The following XKR6 variants were observed in gnomAD, a reference collection of about 807,000 sequenced individuals.
XKR6 encodes XK-related protein 6.
Under a neutral mutation model 56.7 loss-of-function variants are expected in XKR6, and 22 were observed. The observed-to-expected ratio is 0.39, with a 90% CI of 0.28 to 0.55. XKR6 has a LOEUF of 0.55. Among genes scored for constraint, XKR6 ranks in the 20% least tolerant of loss-of-function variants. The probability of loss-of-function intolerance (pLI) is 0.66; values close to 1 mark genes in which losing one functional copy is unlikely to be tolerated. For synonymous variants in XKR6, 524 were observed against 387.8 expected (o/e 1.35, Z -4.13); for missense variants, 852 against 889.0 (o/e 0.96, Z 0.53).
intron 1 of XKR6, among the ~76,000 whole-genome samples, chr8:10,950,086 T>C (rs765459207): frequency 2.0e-5 from 3 of 151,976 alleles, no homozygotes; most frequent in Non-Finnish European, 4.4e-5. Context: ...ACGTGACACA[T>C]GGCAGGATGG....
chr8:10,947,496 A>G (rs1231511008), intron 1 of XKR6, among the ~76,000 whole-genome samples: 1 of 152,038 alleles, frequency 6.6e-6, no homozygotes, highest in East Asian at 1.9e-4. Context: ...GGAGCCCTGA[A>G]AACACCATTG....
rs1250608756 is a variant in XKR6 at position 10,934,883 on chromosome 8, G to A, written c.765-10053C>T. ...CTCTTTTTTCGTTGTGTCTCTGCCC[G>A]GCTTTGGTATCAGAATGACGCTGGC... On this transcript the variant is annotated intron_variant, in intron 1 of 2. Transcript: ENST00000416569. Among the ~76,000 whole-genome samples the A allele has an allele frequency of 8.8e-5, 12 of 136,312 alleles. No homozygotes were observed. The South Asian group carries it at 9.6e-4, about 11-fold the overall frequency. 89.4% of individuals were successfully genotyped at this position (136,312 alleles called of 152,430 possible). A position where few individuals can be genotyped will look rare whatever the true frequency, so the allele number is the denominator to read the frequency against.
At chr8:10,937,729 G>A (rs566156149) in intron 1 of XKR6, among the ~76,000 whole-genome samples, 7 of 148,860 alleles carry the variant, frequency 4.7e-5, no homozygotes, top group Non-Finnish European at 6.0e-5. Flanking sequence ...CAGGGGTCAG[G>A]GACCCACTTG....
intron 1 of XKR6, among the ~76,000 whole-genome samples, chr8:11,072,182 C>A (rs1444580651): frequency 1.3e-5 from 2 of 152,288 alleles, no homozygotes; most frequent in South Asian, 2.1e-4. Context: ...TCAGCTCCAC[C>A]CCCTCTCTGT....
chr8:11,189,974 T>G (rs891080295), intron 1 of XKR6, among the ~76,000 whole-genome samples: 12 of 152,068 alleles, frequency 7.9e-5, no homozygotes, highest in African/African-American at 2.9e-4. Context: ...CTGACCAACA[T>G]GGTGAAACAC....
chr8:11,019,632 G>A (rs748257232), intron 1 of XKR6, among the ~76,000 whole-genome samples: 1 of 152,198 alleles, frequency 6.6e-6, no homozygotes, highest in Admixed American at 6.5e-5. Flanking sequence ...GAGGTGGTGT[G>A]AGCAGTGTGG....
chr8:11,050,395 C>A (rs1369401826), intron 1 of XKR6, among the ~76,000 whole-genome samples: 3 of 152,008 alleles, frequency 2.0e-5, no homozygotes, highest in Non-Finnish European at 4.4e-5. Flanking sequence ...GGGGATGGGC[C>A]TGGATGATGG....
chr8:10,897,867 G>C lies in XKR6; in HGVS notation c.*85C>G. ...GTGGTGGCGGTGGTTCTGTGTATTGGGGGAAGGGAGGGTTATATTTCTTGC... is the reference window on the plus strand; with the variant it reads ...GTGGTGGCGGTGGTTCTGTGTATTGCGGGAAGGGAGGGTTATATTTCTTGC... On this transcript the variant is annotated 3_prime_UTR_variant, in exon 3 of 3. Transcript: ENST00000416569. The C allele has an allele frequency of 1.3e-6, 2 of 1,494,252 alleles. No homozygotes were observed. The highest frequency in any genetic ancestry group is 1.8e-6 in the Non-Finnish European group (2 of 1,125,480). 92.6% of individuals were successfully genotyped at this position (1,494,252 alleles called of 1,614,324 possible). A position where few individuals can be genotyped will look rare whatever the true frequency, so the allele number is the denominator to read the frequency against.
At chr8:10,993,622 G>A (rs1038673848) in intron 1 of XKR6, among the ~76,000 whole-genome samples, 4 of 152,220 alleles carry the variant, frequency 2.6e-5, no homozygotes, top group African/African-American at 9.7e-5. Flanking sequence ...AAGCAGGGGA[G>A]AGGCTGGGGG....
intron 1 of XKR6, among the ~76,000 whole-genome samples, chr8:10,991,688 A>G (rs1797996803): frequency 6.6e-6 from 1 of 152,188 alleles, no homozygotes; most frequent in African/African-American, 2.4e-5. Flanking sequence ...TCTGGATCCA[A>G]ATCAGACCAG....
chr8:11,030,736 T>TGCCA (rs539049325), intron 1 of XKR6, among the ~76,000 whole-genome samples: 100 of 152,146 alleles, frequency 6.6e-4, no homozygotes, highest in Middle Eastern at 3.4e-3. Context: ...TCCTCACCTC[T>TGCCA]GCCAGCCAGC....
intron 1 of XKR6, among the ~76,000 whole-genome samples, chr8:11,047,788 T>A (rs1214464161): frequency 6.6e-6 from 1 of 152,166 alleles, no homozygotes; most frequent in East Asian, 1.9e-4. Context: ...AATATATGTA[T>A]TTTACCATAA....
chr8:11,101,734 G>C (rs11986294), intron 1 of XKR6, among the ~76,000 whole-genome samples: 17,915 of 152,034 alleles, frequency 0.12, 3,389 homozygotes, highest in African/African-American at 0.4. Context: ...GCAGCCCTCC[G>C]TGATCTGCAT....
chr8:11,040,915 G>A (rs1287475450), intron 1 of XKR6, among the ~76,000 whole-genome samples: 1 of 152,124 alleles, frequency 6.6e-6, no homozygotes, highest in African/African-American at 2.4e-5. Flanking sequence ...CAGTTTGGGG[G>A]CCTGAAGAAG....
intron 1 of XKR6, among the ~76,000 whole-genome samples, chr8:11,050,042 C>A (rs184379653): frequency 1.2e-3 from 181 of 152,226 alleles, no homozygotes; most frequent in African/African-American, 4.2e-3. Context: ...TGCTCCCTGG[C>A]CTTGAGCAAC....
At chr8:11,179,856 G>A (rs759454028) in intron 1 of XKR6, among the ~76,000 whole-genome samples, 3 of 152,178 alleles carry the variant, frequency 2.0e-5, no homozygotes, top group Non-Finnish European at 4.4e-5. Context: ...AAAGTAGCCC[G>A]GCACACTGGC....
In XKR6 at chr8:10,924,775, G is replaced by A; in HGVS notation, c.820C>T (p.Arg274Ter). 2 of 1,614,048 alleles carry A rather than the reference G, an allele frequency of 1.2e-6. No individual in the cohort carries two copies. Among genetic ancestry groups the A allele is most frequent in the Non-Finnish European group, 1.7e-6 (2 of 1,180,000 alleles). ...IQSQRRKEHQ[R>*]RFYWAMMYEY... ...TACATCATAGCCCAGTAGAAGCGTC[G>A]CTGGTGTTCCTTCCGCCGCTGGCTC... Residue 274 changes from arginine (R) to a stop codon, truncating the protein, a stop_gained, in exon 2 of 3, where the codon CGA becomes TGA. Coordinates refer to ENST00000416569, the MANE Select transcript of XKR6 (RefSeq NM_173683.4). LOFTEE classifies it high-confidence loss of function.
intron 1 of XKR6, among the ~76,000 whole-genome samples, chr8:11,166,204 C>T (rs551948208): frequency 1.3e-5 from 2 of 152,130 alleles, no homozygotes; most frequent in Non-Finnish European, 2.9e-5. Flanking sequence ...GACCATTGAA[C>T]TATCCTTCAT....
chr8:11,046,915 G>C (rs990742708), intron 1 of XKR6, among the ~76,000 whole-genome samples: 1 of 152,142 alleles, frequency 6.6e-6, no homozygotes, highest in South Asian at 2.1e-4. Flanking sequence ...AATACTACAT[G>C]ATCTCGCTTA....
Sources: allele counts gnomAD v4.1 joint callset (sites outside exome capture counted in the v4.1 genomes callset), GRCh38; gene constraint gnomAD v4.1.1; transcripts MANE v1.5; gene names NCBI Gene and HGNC (gene_info 2026-07-23, HGNC 2026-07-21).